Variants in SGK3 observed in about 807,000 individuals in gnomAD.
SGK3 encodes the protein serum/glucocorticoid regulated kinase family member 3.
A neutral mutation model predicts 68.5 loss-of-function variants in SGK3; 47 were observed. The observed-to-expected ratio is 0.69, with a 90% CI of 0.54 to 0.87. The LOEUF (loss-of-function observed/expected upper bound fraction) is 0.87, where lower values mean the gene tolerates loss of function less well. Among genes scored for constraint, SGK3 ranks in the 40% least tolerant of loss-of-function variants. The pLI is 0.00. For synonymous variants in SGK3, 181 were observed against 189.1 expected (o/e 0.96, Z 0.35); for missense variants, 479 against 575.5 (o/e 0.83, Z 1.72).
intron 1 of SGK3, among the ~76,000 whole-genome samples, chr8:66,762,557 T>TA (rs1308776627): frequency 1.3e-5 from 2 of 151,904 alleles, no homozygotes; most frequent in Non-Finnish European, 1.5e-5. Flanking sequence ...TCATCACACT[T>TA]AAAAAAAACC....
At chr8:66,850,754 T>C in intron 15 of SGK3, 77 bp from the exon 16 acceptor site, 1 of 1,382,924 alleles carries the variant, frequency 7.2e-7, no homozygotes, top group Non-Finnish European at 9.9e-7. Flanking sequence ...AGTAATAGTT[T>C]GGCTTCATAA....
intron 1 of SGK3, among the ~76,000 whole-genome samples, chr8:66,738,344 C>G (rs1276145632): frequency 6.6e-6 from 1 of 152,134 alleles, no homozygotes; most frequent in Non-Finnish European, 1.5e-5. Flanking sequence ...TGTGACACCC[C>G]CCATTCTCCA....
At chr8:66,817,903 T>C (rs996005923) in intron 5 of SGK3, among the ~76,000 whole-genome samples, 2 of 151,168 alleles carry the variant, frequency 1.3e-5, no homozygotes, top group Non-Finnish European at 3.0e-5. Context: ...AGCCCAGGAG[T>C]TCAAGACCAG....
chr8:66,753,896 A>G (rs1014633499), intron 1 of SGK3, among the ~76,000 whole-genome samples: 2 of 152,210 alleles, frequency 1.3e-5, no homozygotes, highest in African/African-American at 2.4e-5. Flanking sequence ...ACTCATTTGA[A>G]TTCCAATCCA....
intron 1 of SGK3, among the ~76,000 whole-genome samples, chr8:66,749,309 C>T (rs1043992815): frequency 3.3e-5 from 5 of 152,034 alleles, no homozygotes; most frequent in Admixed American, 2.0e-4. Flanking sequence ...GCCCGGAGTT[C>T]GAGACCAGCC....
chr8:66,745,995 C>T (rs1361295872), intron 1 of SGK3, among the ~76,000 whole-genome samples: 2 of 152,124 alleles, frequency 1.3e-5, no homozygotes, highest in South Asian at 2.1e-4. Flanking sequence ...GGGGACAAAA[C>T]GTTCAAGCCA....
chr8:66,834,979 A>G (rs1272762065), intron 8 of SGK3, among the ~76,000 whole-genome samples: 2 of 151,900 alleles, frequency 1.3e-5, no homozygotes, highest in East Asian at 3.9e-4. Context: ...GTGCAGTAAA[A>G]CAAAAGAAGG....
chr8:66,847,438 G>T (rs992015227), intron 15 of SGK3, 90 bp downstream of exon 15: 10 of 1,526,240 alleles, frequency 6.6e-6, no homozygotes, highest in South Asian at 1.2e-5. Flanking sequence ...TTAATGGAAT[G>T]AATACAATAT....
intron 1 of SGK3, among the ~76,000 whole-genome samples, chr8:66,740,503 T>C (rs1455701064): frequency 6.6e-6 from 1 of 152,214 alleles, no homozygotes; most frequent in African/African-American, 2.4e-5. Context: ...TGGAACATAG[T>C]AACACCTCAA....
At chr8:66,738,845 T>C (rs1372159790) in intron 1 of SGK3, among the ~76,000 whole-genome samples, 4 of 152,198 alleles carry the variant, frequency 2.6e-5, no homozygotes, top group Non-Finnish European at 4.4e-5. Context: ...TTAGCCAGGA[T>C]GGTCTCAATC....
intron 1 of SGK3, among the ~76,000 whole-genome samples, chr8:66,779,563 T>A (rs1187709998): frequency 1.8e-4 from 5 of 27,438 alleles, no homozygotes; most frequent in Middle Eastern, 0.016. Flanking sequence ...TGTGTGTGAA[T>A]ATATATATAT....
At chr8:66,795,577 A>G (rs898820057) in intron 2 of SGK3, among the ~76,000 whole-genome samples, 3 of 151,950 alleles carry the variant, frequency 2.0e-5, no homozygotes, top group Non-Finnish European at 2.9e-5. Flanking sequence ...CACATAGCAA[A>G]TGTCAGCAGC....
chr8:66,819,277 G>A (rs938484590), intron 5 of SGK3, among the ~76,000 whole-genome samples: 3 of 152,182 alleles, frequency 2.0e-5, no homozygotes, highest in Middle Eastern at 6.3e-3. Flanking sequence ...TGCTAGAAGA[G>A]TATAAATTGG....
At position 66,822,478 on chromosome 8, in the gene SGK3, T is replaced by A. The variant is rs774762060; in HGVS notation, c.417+19T>A. ...TCAGAAGGTAGTAAGAGGAATTGCC[T>A]TTCTTAATAGAAAAAATACTATTCC... On this transcript the variant is annotated intron_variant, in intron 6 of 16. Transcript: ENST00000521198. The A allele has an allele frequency of 6.9e-6, 11 of 1,602,534 alleles. No individual in the cohort carries two copies. The Admixed American group carries it at 1.7e-4, about 25-fold the overall frequency.
At chr8:66,804,473 T>A in intron 4 of SGK3, 26 bp downstream of exon 4, 2 of 1,605,440 alleles carry the variant, frequency 1.2e-6, no homozygotes, top group Non-Finnish European at 1.7e-6. Flanking sequence ...ATAGGCCAGC[T>A]ATGAAGTGAT....
intron 8 of SGK3, among the ~76,000 whole-genome samples, chr8:66,831,520 T>C (rs1809301260): frequency 6.6e-6 from 1 of 152,110 alleles, no homozygotes; most frequent in Non-Finnish European, 1.5e-5. Context: ...TTTCACTCTT[T>C]TGTAGACAGG....
Position 66,847,325 on chromosome 8 carries a change from C to G in SGK3, c.1207C>G (p.Arg403Gly). Reference sequence around the variant, plus strand: ...ACTCCTAGAAAAAGACAGGCAAAATCGACTTGGTGCCAAGGAAGACTTTGT... The same window carrying G: ...ACTCCTAGAAAAAGACAGGCAAAATGGACTTGGTGCCAAGGAAGACTTTGT... ...EELLEKDRQNRLGAKEDFLEI... is the reference protein window; with the variant it reads ...EELLEKDRQNGLGAKEDFLEI... The change falls in exon 15 of 17, where the codon CGA becomes GGA. Residue 403 changes from arginine to glycine, a missense_variant. Coordinates refer to ENST00000521198, the MANE Select transcript of SGK3 (RefSeq NM_001033578.3). 1 of 1,613,818 alleles carries G rather than the reference C, an allele frequency of 6.2e-7. No homozygotes were observed. Among genetic ancestry groups the G allele is most frequent in the South Asian group, 1.1e-5 (1 of 90,966 alleles).
intron 15 of SGK3, among the ~76,000 whole-genome samples, chr8:66,847,863 A>C (rs181104473): frequency 1.6e-4 from 17 of 107,886 alleles, no homozygotes; most frequent in Admixed American, 1.0e-3. Context: ...ACACTAAGTC[A>C]CTTTTTTTTT....
At position 66,814,927 on chromosome 8, in the gene SGK3, G is replaced by A. The variant is rs919188755; in HGVS notation, c.329+999G>A. ...GTAATTTATGTTATAGTACTTGTAT[G>A]TATAAAGTATTCTAAGAGGAAATGA... On this transcript the variant is annotated intron_variant, in intron 5 of 16. Coordinates refer to ENST00000521198, the MANE Select transcript of SGK3 (RefSeq NM_001033578.3). Among the ~76,000 whole-genome samples, 3 of 152,156 alleles carry A rather than the reference G, an allele frequency of 2.0e-5. 1 individual carries two copies. Among genetic ancestry groups the A allele is most frequent in the South Asian group, 4.1e-4 (2 of 4,832 alleles).
Sources: allele counts gnomAD v4.1 joint callset (sites outside exome capture counted in the v4.1 genomes callset), GRCh38; gene constraint gnomAD v4.1.1; transcripts MANE v1.5; gene names NCBI Gene and HGNC (gene_info 2026-07-23, HGNC 2026-07-21).